The following TM2D1 variants were observed in gnomAD, a reference collection of about 807,000 sequenced individuals.
TM2D1 encodes the protein TM2 domain containing 1.
In TM2D1, 15 loss-of-function variants were observed where a neutral mutation model predicts 28.4. That is an observed-to-expected ratio of 0.53 (90% CI 0.35 to 0.81). The LOEUF (loss-of-function observed/expected upper bound fraction) is 0.81. Ranked by LOEUF, TM2D1 falls within the 40% of genes least tolerant of loss-of-function variation. The pLI is 0.01. For missense variants in TM2D1, 236 were observed against 254.9 expected, an observed-to-expected ratio of 0.93 and a Z score of 0.50; for synonymous variants, 93 against 96.2, an observed-to-expected ratio of 0.97 and a Z score of 0.20.
intron 5 of TM2D1, among the ~76,000 whole-genome samples, chr1:61,691,932 A>AAAAAAAAAAAAAAAAATATATAT: frequency 1.3e-5 from 1 of 76,414 alleles, no homozygotes; most frequent in Non-Finnish European, 2.6e-5. Context: ...AAAAAAAAAA[A>AAAAAAAAAAAAAAAAATATATAT]ATATATATAT....
chr1:61,707,942 T>G (rs965758258), intron 3 of TM2D1, among the ~76,000 whole-genome samples: 2 of 152,224 alleles, frequency 1.3e-5, no homozygotes, highest in African/African-American at 4.8e-5. Flanking sequence ...GCTGAAAATA[T>G]AATGCCAACA....
At chr1:61,709,274 G>T in intron 3 of TM2D1, 55 bp downstream of exon 3, 2 of 1,068,248 alleles carry the variant, frequency 1.9e-6, no homozygotes, top group South Asian at 1.3e-5. Flanking sequence ...TTCATGCAAT[G>T]AAGATATAAT....
chr1:61,685,104 C>G (rs913024906), intron 5 of TM2D1, among the ~76,000 whole-genome samples: 4 of 152,042 alleles, frequency 2.6e-5, no homozygotes, highest in Non-Finnish European at 5.9e-5. Context: ...TGTGCCCAGC[C>G]TAGTAGGAAG....
chr1:61,693,227 G>A (rs1329774770), intron 5 of TM2D1, among the ~76,000 whole-genome samples: 1 of 152,154 alleles, frequency 6.6e-6, no homozygotes, highest in African/African-American at 2.4e-5. Flanking sequence ...GACACAGTGA[G>A]ACCCTGTCTC....
intron 5 of TM2D1, among the ~76,000 whole-genome samples, chr1:61,690,245 T>G (rs1320898048): frequency 6.6e-6 from 1 of 151,862 alleles, no homozygotes; most frequent in Non-Finnish European, 1.5e-5. Flanking sequence ...TCATTTGAGG[T>G]CAGGAGTTCA....
intron 2 of TM2D1, 119 bp from the exon 3 acceptor site, chr1:61,709,556 G>A: frequency 2.9e-6 from 2 of 685,494 alleles, no homozygotes; most frequent in African/African-American, 1.8e-5. Context: ...CATGACACAA[G>A]CCTTTAATTT....
At chr1:61,686,627 T>C (rs561632077) in intron 5 of TM2D1, among the ~76,000 whole-genome samples, 14 of 152,182 alleles carry the variant, frequency 9.2e-5, no homozygotes, top group Non-Finnish European at 1.8e-4. Context: ...ATTGTACCAC[T>C]CCACTCCAAC....
intron 5 of TM2D1, chr1:61,694,146 T>C (rs991653955): frequency 1.7e-4 from 26 of 152,252 alleles, no homozygotes; most frequent in Admixed American, 1.5e-3. Context: ...CCTTTTTTTT[T>C]TCTTTTTAGC....
chr1:61,721,370 T>G (rs1225797953), intron 2 of TM2D1, among the ~76,000 whole-genome samples: 1 of 151,936 alleles, frequency 6.6e-6, no homozygotes, highest in African/African-American at 2.4e-5. Context: ...GGCGAAACCC[T>G]GCCTCTACTA....
intron 2 of TM2D1, among the ~76,000 whole-genome samples, chr1:61,714,096 C>G (rs1309455867): frequency 2.1e-5 from 3 of 145,702 alleles, no homozygotes; most frequent in Admixed American, 2.0e-4. Flanking sequence ...GGGGTTTCAC[C>G]TTGTTAGCCA....
intron 3 of TM2D1, among the ~76,000 whole-genome samples, chr1:61,707,127 C>A (rs1193979885): frequency 6.6e-6 from 1 of 151,550 alleles, no homozygotes; most frequent in Non-Finnish European, 1.5e-5. Context: ...TTGGGGCATG[C>A]ACCTCTAGTC....
chr1:61,691,495 C>CAAAAAAA (rs1183951634), intron 5 of TM2D1, among the ~76,000 whole-genome samples: 4 of 39,342 alleles, frequency 1.0e-4, no homozygotes, highest in Non-Finnish European at 1.5e-4. Context: ...AACTCCATCT[C>CAAAAAAA]AAAAAAAAAA....
intron 2 of TM2D1, among the ~76,000 whole-genome samples, chr1:61,723,374 A>T (rs886503783): frequency 1.3e-5 from 2 of 152,344 alleles, no homozygotes; most frequent in Middle Eastern, 3.4e-3. Flanking sequence ...TAAAAGGAAG[A>T]CTTTCCATGT....
Position 61,711,785 on chromosome 1 carries a change from T to A in TM2D1, c.239-2348A>T, listed in dbSNP as rs541138285. On this transcript the variant is annotated intron_variant, in intron 2 of 6. Coordinates refer to ENST00000606498, the MANE Select transcript of TM2D1 (RefSeq NM_032027.3). ...TATATCTCTTGAAAATCTTCCATCT[T>A]GGATCATGCTTTTGATTAGTTATAT... Among the ~76,000 whole-genome samples the A allele has an allele frequency of 3.9e-5, 6 of 152,354 alleles. No homozygotes were observed. In the East Asian group the frequency reaches 1.2e-3, roughly 29 times the overall value.
At chr1:61,715,697 C>A (rs115087383) in intron 2 of TM2D1, among the ~76,000 whole-genome samples, 2,405 of 115,948 alleles carry the variant, frequency 0.021, 66 homozygotes, top group African/African-American at 0.07. Context: ...GAAAAAAAAG[C>A]AAAGAAAAGA....
At chr1:61,706,537 G>A (rs903152048) in intron 3 of TM2D1, among the ~76,000 whole-genome samples, 18 of 151,672 alleles carry the variant, frequency 1.2e-4, no homozygotes, top group East Asian at 8.0e-4. Flanking sequence ...GACCAGGCGC[G>A]GTGGCTCACA....
chr1:61,713,888 T>C (rs894893969), intron 2 of TM2D1, among the ~76,000 whole-genome samples: 8 of 126,696 alleles, frequency 6.3e-5, no homozygotes, highest in African/African-American at 1.9e-4. Flanking sequence ...ATATTTCTTT[T>C]TTTTTTTTTT....
chr1:61,682,405 T>C (rs1644250726), intron 6 of TM2D1, among the ~76,000 whole-genome samples: 1 of 152,194 alleles, frequency 6.6e-6, no homozygotes, highest in South Asian at 2.1e-4. Flanking sequence ...TTACAGAGAA[T>C]CATTATACCA....
rs1434138819 is a variant in TM2D1, at chr1:61,709,979, C to CT, written c.239-543dup. 2.0e-5 allele frequency among the ~76,000 whole-genome samples: 3 copies of CT among 152,098 alleles called. No individual in the cohort carries two copies. The East Asian group carries it at 5.8e-4, about 29-fold the overall frequency. ...TTTCAGAATTTAAGCAATCTTGATC[C>CT]TTCCTCATAACCAGATGACATAAGA... On this transcript the variant is annotated intron_variant, in intron 2 of 6. Coordinates refer to ENST00000606498, the MANE Select transcript of TM2D1 (RefSeq NM_032027.3).
Sources: gnomAD v4.1 joint callset for allele counts (sites outside exome capture counted in the v4.1 genomes callset) on GRCh38, gnomAD v4.1.1 for gene constraint, MANE v1.5 for transcripts, NCBI Gene and HGNC (gene_info 2026-07-23, HGNC 2026-07-21) for gene names.